Variants in PHEX observed in about 807,000 individuals in gnomAD.
The protein encoded by PHEX is phosphate-regulating neutral endopeptidase PHEX.
Under a neutral mutation model 68.0 loss-of-function variants are expected in PHEX, and 16 were observed. That is an observed-to-expected ratio of 0.24 (90% CI 0.16 to 0.36). The LOEUF (loss-of-function observed/expected upper bound fraction) is 0.36. Ranked by LOEUF, PHEX falls within the 10% of genes least tolerant of loss-of-function variation. PHEX has a pLI of 1.00. For synonymous variants in PHEX, 208 were observed against 205.1 expected, an observed-to-expected ratio of 1.01 and a Z score of -0.12; for missense variants, 480 against 575.5, an observed-to-expected ratio of 0.83 and a Z score of 1.70.
chrX:22,192,465 A>G (rs1934229453), intron 15 of PHEX, among the ~76,000 whole-genome samples: 1 of 111,514 alleles, frequency 9.0e-6, no homozygotes, highest in Admixed American at 9.6e-5. Flanking sequence ...TCAGCATCCC[A>G]TCTCACTCAG....
chrX:22,133,807 T>A (rs1367924300), intron 12 of PHEX, among the ~76,000 whole-genome samples, 183 bp downstream of exon 12: 2 of 112,094 alleles, frequency 1.8e-5, no homozygotes, highest in Non-Finnish European at 3.8e-5. Flanking sequence ...TAAGAGAAAA[T>A]AATACCTGAA....
chrX:22,143,522 G>GT (rs200481127), intron 12 of PHEX, among the ~76,000 whole-genome samples: 5,497 of 112,071 alleles, frequency 0.049, 331 homozygotes, highest in African/African-American at 0.16. Context: ...AAACATTTTT[G>GT]TAACTCCCAA....
chrX:22,070,052 G>A (rs1043849553), intron 3 of PHEX, among the ~76,000 whole-genome samples: 6 of 110,898 alleles, frequency 5.4e-5, no homozygotes, highest in African/African-American at 2.0e-4. Flanking sequence ...ATTGAAATCT[G>A]TAGCCTAGAA....
chrX:22,188,986 T>A (rs1171407465), intron 14 of PHEX, among the ~76,000 whole-genome samples: 3 of 112,551 alleles, frequency 2.7e-5, no homozygotes, highest in Non-Finnish European at 5.6e-5. Flanking sequence ...GGTTTTTAGA[T>A]CCCACAAATA....
In PHEX at chrX:22,249,078, T is replaced by A. The variant is rs1936477016; in HGVS notation, c.*1125T>A. 1 of 110,389 alleles carries A rather than the reference T, an allele frequency of 9.1e-6. No homozygotes were observed. Among genetic ancestry groups the A allele is most frequent in the South Asian group, 3.9e-4 (1 of 2,583 alleles). The allele number at this position is 110,389 out of a possible 1,213,427, so 9.1% of individuals were successfully genotyped here. A position where few individuals can be genotyped will look rare whatever the true frequency, so the allele number is the denominator to read the frequency against. On this transcript the variant is annotated 3_prime_UTR_variant, in exon 22 of 22. Transcript: ENST00000379374. ...AGAATTTATTGATTCAATTTAAAAT[T>A]CCCTGCATAGTCCAAATAAACATAA...
At position 22,207,958 on chromosome X, in the gene PHEX, A is replaced by T. The variant is rs184558559; in HGVS notation, c.1646-4946A>T. Among the ~76,000 whole-genome samples, 206 of 110,991 alleles carry T rather than the reference A, an allele frequency of 1.9e-3. 1 individual carries two copies. The highest frequency in any genetic ancestry group is 6.4e-3 in the African/African-American group (195 of 30,522). ...ATGTGCAGGTTTGTTACATAGGTAT[A>T]CATGTGCCGTGTTGGTTTGCTGCAC... On this transcript the variant is annotated intron_variant, in intron 15 of 21. Coordinates refer to ENST00000379374, the MANE Select transcript of PHEX (RefSeq NM_000444.6).
intron 13 of PHEX, among the ~76,000 whole-genome samples, chrX:22,168,615 C>T (rs184286550): frequency 1.8e-5 from 2 of 111,331 alleles, no homozygotes; most frequent in Non-Finnish European, 3.8e-5. Flanking sequence ...TGAGTGGGTA[C>T]CAAAAAACAA....
chrX:22,057,109 C>T (rs555600716), intron 3 of PHEX, among the ~76,000 whole-genome samples: 2 of 111,379 alleles, frequency 1.8e-5, no homozygotes, highest in Admixed American at 1.9e-4. Context: ...TAGGATATAC[C>T]ATTAAACATC....
At position 22,161,656 on chromosome X, in the gene PHEX, G is replaced by A. The variant is rs764651843; in HGVS notation, c.1405-6656G>A. ...TTGCTATGTTACCTGTGGTAACATG[G>A]TGATTAGGTGGAATAGGCTATTGGT... On this transcript the variant is annotated intron_variant, in intron 12 of 21. Coordinates refer to ENST00000379374, the MANE Select transcript of PHEX (RefSeq NM_000444.6). Among the ~76,000 whole-genome samples, 12 of 111,782 alleles carry A rather than the reference G, an allele frequency of 1.1e-4. No individual in the cohort carries two copies. The South Asian group carries it at 4.5e-3, about 42-fold the overall frequency.
At chrX:22,234,734 C>A (rs1935903205) in intron 20 of PHEX, among the ~76,000 whole-genome samples, 1 of 109,075 alleles carries the variant, frequency 9.2e-6, no homozygotes, top group African/African-American at 3.3e-5. Context: ...CCAAGCCAGA[C>A]CACTTGGCTC....
intron 13 of PHEX, among the ~76,000 whole-genome samples, chrX:22,173,808 T>A (rs1933616575): frequency 9.0e-6 from 1 of 111,652 alleles, no homozygotes; most frequent in African/African-American, 3.3e-5. Flanking sequence ...ATGAAAGGTA[T>A]CCTAGAATTT....
At chrX:22,051,061 T>C (rs777696706) in intron 3 of PHEX, among the ~76,000 whole-genome samples, 1 of 111,769 alleles carries the variant, frequency 8.9e-6, no homozygotes, top group South Asian at 3.7e-4. Flanking sequence ...GCTTCCTATA[T>C]GTGTTTCTAT....
chrX:22,168,361 A>G lies in PHEX; in HGVS notation c.1454A>G (p.Asp485Gly), dbSNP rs1470415679. The change falls in exon 13 of 22, where the codon GAT becomes GGT. Residue 485 changes from aspartate (D) to glycine (G), a missense_variant. Transcript: ENST00000379374. ...GGCTATCCAGAGTTTATAATGAATGATACTCATGTTAATGAAGACCTCAAA... is the reference window on the plus strand; with the variant it reads ...GGCTATCCAGAGTTTATAATGAATGGTACTCATGTTAATGAAGACCTCAAA... Reference protein sequence around the residue: ...KVGYPEFIMNDTHVNEDLKAI... With the variant: ...KVGYPEFIMNGTHVNEDLKAI... 2 of 1,193,558 alleles carry G rather than the reference A, an allele frequency of 1.7e-6. No individual in the cohort carries two copies.
At chrX:22,066,754 C>A (rs1023100703) in intron 3 of PHEX, among the ~76,000 whole-genome samples, 2 of 111,992 alleles carry the variant, frequency 1.8e-5, no homozygotes, top group Admixed American at 1.9e-4. Context: ...CTCCTTCTCT[C>A]ACCTCCTCAT....
chrX:22,221,087 A>G (rs1173695570), intron 17 of PHEX, among the ~76,000 whole-genome samples: 3 of 112,089 alleles, frequency 2.7e-5, no homozygotes, highest in Admixed American at 9.4e-5. Context: ...TGGCTGTGGA[A>G]TGAATCATAA....
At chrX:22,159,185 T>C (rs967094313) in intron 12 of PHEX, among the ~76,000 whole-genome samples, 1 of 113,683 alleles carries the variant, frequency 8.8e-6, no homozygotes, top group Admixed American at 9.2e-5. Flanking sequence ...AAGCACTTAC[T>C]GTGTACTAGC....
At chrX:22,099,699 A>G (rs1318543692) in intron 9 of PHEX, among the ~76,000 whole-genome samples, 2 of 112,080 alleles carry the variant, frequency 1.8e-5, no homozygotes, top group African/African-American at 6.5e-5. Flanking sequence ...TTGCTAGTTT[A>G]TTGCTACAAA....
At chrX:22,137,486 G>C (rs1027506379) in intron 12 of PHEX, among the ~76,000 whole-genome samples, 2 of 111,388 alleles carry the variant, frequency 1.8e-5, no homozygotes, top group Non-Finnish European at 3.8e-5. Context: ...GGTGGTGAGA[G>C]TTTTCTTGCA....
At chrX:22,111,352 G>A (rs1930955166) in intron 9 of PHEX, 115 bp from the exon 10 acceptor site, 2 of 611,857 alleles carry the variant, frequency 3.3e-6, no homozygotes, top group Non-Finnish European at 5.6e-6. Flanking sequence ...CTGCATTTTT[G>A]TATGAGTAAG....
Sources: gnomAD v4.1 joint callset for allele counts (sites outside exome capture counted in the v4.1 genomes callset) on GRCh38, gnomAD v4.1.1 for gene constraint, MANE v1.5 for transcripts, NCBI Gene and HGNC (gene_info 2026-07-23, HGNC 2026-07-21) for gene names.